DENND5B: variants seen among roughly 807,000 people sequenced by gnomAD.
DENND5B encodes DENN domain-containing protein 5B.
Under a neutral mutation model 140.6 loss-of-function variants are expected in DENND5B, and 34 were observed. The ratio of observed to expected loss-of-function variants is 0.24; its 90% CI spans 0.18 to 0.32. The LOEUF is 0.32. Ranked by LOEUF, DENND5B falls within the 10% of genes least tolerant of loss-of-function variation. DENND5B has a pLI of 1.00. For synonymous variants in DENND5B, 551 were observed against 562.1 expected, an observed-to-expected ratio of 0.98 and a Z score of 0.28; for missense variants, 1,142 against 1,560.2, an observed-to-expected ratio of 0.73 and a Z score of 4.52.
rs781436606 is a variant in DENND5B, at chr12:31,399,661, T to A, written c.3061A>T (p.Thr1021Ser). The A allele has an allele frequency of 1.2e-6, 2 of 1,613,126 alleles. No homozygotes were observed. Among genetic ancestry groups the A allele is most frequent in the Non-Finnish European group, 8.5e-7 (1 of 1,179,384 alleles). The change falls in exon 16 of 21, where the codon ACA becomes TCA. Residue 1021 changes from threonine to serine, a missense_variant. Around this residue, in one of 5 missense-constraint regions of DENND5B, gnomAD observed 268 missense variants for 349.2 expected, o/e 0.77. Coordinates refer to ENST00000389082, the MANE Select transcript of DENND5B (RefSeq NM_144973.4). ...VMVRNEITGHTYRFPCGRWLG... is the reference protein window; with the variant it reads ...VMVRNEITGHSYRFPCGRWLG... ...CCAAGGCCATTTACTTACCTGTATG[T>A]ATGTCCTGTGATTTCATTTCTGACC...
chr12:31,580,691 C>T lies in DENND5B; in HGVS notation c.127+10015G>A, dbSNP rs192007781. On this transcript the variant is annotated intron_variant, in intron 1 of 20. Transcript: ENST00000389082. ...TGTATTTCTAGTAGAGACAGAGTTC[C>T]GCCATGTTGGTGAGCATGCTCACAA... Among the ~76,000 whole-genome samples the T allele has an allele frequency of 1.4e-3, 212 of 152,222 alleles. 1 individual carries two copies. The highest frequency in any genetic ancestry group is 2.7e-3 in the East Asian group (14 of 5,174).
chr12:31,491,643 T>C (rs938767396), intron 2 of DENND5B, among the ~76,000 whole-genome samples: 2 of 152,212 alleles, frequency 1.3e-5, no homozygotes, highest in African/African-American at 4.8e-5. Context: ...AATACATACA[T>C]TGACTGTTTA....
At chr12:31,533,850 T>C (rs1406097151) in intron 1 of DENND5B, among the ~76,000 whole-genome samples, 1 of 151,860 alleles carries the variant, frequency 6.6e-6, no homozygotes, top group East Asian at 1.9e-4. Context: ...CTAAAAATTA[T>C]CTATTGTCTA....
intron 1 of DENND5B, among the ~76,000 whole-genome samples, chr12:31,504,443 T>G (rs1947118703): frequency 6.6e-6 from 1 of 152,180 alleles, no homozygotes; most frequent in South Asian, 2.1e-4. Context: ...CAGTTGGCAG[T>G]GGAAATAGGG....
At chr12:31,524,953 C>A (rs1320269278) in intron 1 of DENND5B, among the ~76,000 whole-genome samples, 1 of 152,140 alleles carries the variant, frequency 6.6e-6, no homozygotes, top group African/African-American at 2.4e-5. Context: ...TGAGAACATA[C>A]ACAAATGACC....
intron 1 of DENND5B, among the ~76,000 whole-genome samples, chr12:31,559,148 G>A (rs1327546259): frequency 6.6e-6 from 1 of 152,046 alleles, no homozygotes; most frequent in East Asian, 1.9e-4. Flanking sequence ...TGGGAGAGTA[G>A]GGAAAAACAG....
Position 31,518,914 on chromosome 12 carries a change from G to C in DENND5B, c.128-22995C>G, listed in dbSNP as rs151097612. Among the ~76,000 whole-genome samples, 467 of 152,230 alleles carry C rather than the reference G, an allele frequency of 3.1e-3. 1 individual carries two copies. Among genetic ancestry groups the C allele is most frequent in the African/African-American group, 0.011 (437 of 41,544 alleles). Reference sequence around the variant, plus strand: ...GGAGCCCTGCCCTAGAATTGTTTTAGGGCTAATCAGCATTAAACCTGCGTC... The same window carrying C: ...GGAGCCCTGCCCTAGAATTGTTTTACGGCTAATCAGCATTAAACCTGCGTC... On this transcript the variant is annotated intron_variant, in intron 1 of 20. Transcript: ENST00000389082.
chr12:31,566,438 T>C (rs1949634429), intron 1 of DENND5B, among the ~76,000 whole-genome samples: 1 of 151,704 alleles, frequency 6.6e-6, no homozygotes. Context: ...GTAAAACAGA[T>C]ATATATATAT....
At chr12:31,500,174 C>T (rs1365055582) in intron 1 of DENND5B, among the ~76,000 whole-genome samples, 2 of 152,122 alleles carry the variant, frequency 1.3e-5, no homozygotes, top group Non-Finnish European at 1.5e-5. Flanking sequence ...CATTTTAGAT[C>T]TCGGATTTTT....
At position 31,433,268 on chromosome 12, in the gene DENND5B, T is replaced by C. The variant is rs1451117959; in HGVS notation, c.2013-20A>G. 2 of 1,601,892 alleles carry C rather than the reference T, an allele frequency of 1.2e-6. No individual in the cohort carries two copies. Among genetic ancestry groups the C allele is most frequent in the African/African-American group, 2.7e-5 (2 of 74,394 alleles). On this transcript the variant is annotated intron_variant, in intron 7 of 20. Transcript: ENST00000389082. ...CAGCGACTGAAACAATCAAATTATT[T>C]AAAAATGTGTTCCTTATCTTTAAAA... is the stretch of plus-strand genomic sequence containing the variant.
intron 1 of DENND5B, among the ~76,000 whole-genome samples, chr12:31,567,773 T>C (rs1949681559): frequency 1.3e-5 from 2 of 152,192 alleles, no homozygotes; most frequent in South Asian, 2.1e-4. Context: ...ATCTCACCAC[T>C]GCACTCCAGC....
chr12:31,391,862 C>T (rs115021524), intron 19 of DENND5B, among the ~76,000 whole-genome samples: 1,961 of 152,018 alleles, frequency 0.013, 35 homozygotes, highest in African/African-American at 0.044. Flanking sequence ...ATATCCTTGC[C>T]GGGCACGATG....
At chr12:31,420,217 C>A (rs959601542) in intron 11 of DENND5B, among the ~76,000 whole-genome samples, 9 of 151,972 alleles carry the variant, frequency 5.9e-5, no homozygotes, top group Non-Finnish European at 8.8e-5. Context: ...TAGCCTCAAC[C>A]CCCTGGGCTC....
At chr12:31,450,707 G>A (rs1044460922) in intron 5 of DENND5B, among the ~76,000 whole-genome samples, 3 of 152,068 alleles carry the variant, frequency 2.0e-5, no homozygotes, top group South Asian at 2.1e-4. Context: ...CTCCAGTACT[G>A]TAGATTAGCC....
At chr12:31,449,831 T>C (rs1458073282) in intron 5 of DENND5B, among the ~76,000 whole-genome samples, 7 of 146,958 alleles carry the variant, frequency 4.8e-5, no homozygotes, top group Admixed American at 2.1e-4. Context: ...CCCGGGTTCA[T>C]GCCATTCTTC....
chr12:31,549,490 G>A (rs1315018941), intron 1 of DENND5B, among the ~76,000 whole-genome samples: 1 of 149,120 alleles, frequency 6.7e-6, no homozygotes, highest in Non-Finnish European at 1.5e-5. Flanking sequence ...GGGTCCTATG[G>A]GTTTCCATAA....
At chr12:31,515,179 T>C (rs937144098) in intron 1 of DENND5B, among the ~76,000 whole-genome samples, 2 of 152,048 alleles carry the variant, frequency 1.3e-5, no homozygotes, top group Admixed American at 1.3e-4. Flanking sequence ...GTGGTGCATG[T>C]CTGCAGTCCG....
In DENND5B at chr12:31,409,329, G is replaced by T. The variant is rs773902703; in HGVS notation, c.2737C>A (p.Leu913Ile). ...LRCEEEREQFLYHLLSLNAVD... is the reference protein window; with the variant it reads ...LRCEEEREQFIYHLLSLNAVD... The stretch of plus-strand genomic sequence containing the variant: ...GCATTGAGAGAAAGAAGGTGGTAAA[G>T]AAACTGCTCTCTTTCTTCTTCGCAA... The change falls in exon 14 of 21, where the codon CTT becomes ATT. Residue 913 changes from leucine to isoleucine, a missense_variant. Leu to Ile is a conservative substitution (Grantham distance 5). Coordinates refer to ENST00000389082, the MANE Select transcript of DENND5B (RefSeq NM_144973.4). The T allele has an allele frequency of 1.3e-6, 2 of 1,563,302 alleles. No individual in the cohort carries two copies. Among genetic ancestry groups the T allele is most frequent in the Non-Finnish European group, 1.7e-6 (2 of 1,153,500 alleles).
At chr12:31,418,248 ATGT>A (rs1335386255) in intron 11 of DENND5B, among the ~76,000 whole-genome samples, 4 of 150,498 alleles carry the variant, frequency 2.7e-5, no homozygotes, top group Non-Finnish European at 5.9e-5. Context: ...AATGTGTTAC[ATGT>A]TATTAAAGAA....
Sources: gnomAD v4.1 joint callset for allele counts (sites outside exome capture counted in the v4.1 genomes callset) on GRCh38, gnomAD v4.1.1 for gene constraint, gnomAD v4.1.1 regional missense constraint, MANE v1.5 for transcripts, NCBI Gene and HGNC (gene_info 2026-07-23, HGNC 2026-07-21) for gene names.